SLC44A5: variants seen among roughly 807,000 people sequenced by gnomAD.
SLC44A5 encodes choline transporter-like protein 5.
In SLC44A5, 57 loss-of-function variants were observed where a neutral mutation model predicts 101.8. The ratio of observed to expected loss-of-function variants is 0.56; its 90% CI spans 0.45 to 0.70. The LOEUF (loss-of-function observed/expected upper bound fraction) is 0.70. SLC44A5 is among the 30% of genes least tolerant of loss of function. The probability of loss-of-function intolerance (pLI) is 0.00; values close to 1 mark genes in which losing one functional copy is unlikely to be tolerated. For synonymous variants in SLC44A5, 281 were observed against 290.9 expected (o/e 0.97, Z 0.35); for missense variants, 737 against 853.1 (o/e 0.86, Z 1.70).
chr1:75,213,792 A>G lies in SLC44A5; in HGVS notation c.1875T>C (p.Gly625=), dbSNP rs1167858903. The G allele has an allele frequency of 2.5e-6, 4 of 1,606,992 alleles. No individual in the cohort carries two copies. The South Asian group carries it at 4.4e-5, about 18-fold the overall frequency. ...GTGTGAAGAATAGGAAGGCCAGAACACCTACATTGAAAAGGTAGAACATGT... is the reference window on the plus strand; with the variant it reads ...GTGTGAAGAATAGGAAGGCCAGAACGCCTACATTGAAAAGGTAGAACATGT... ...LGKLLVAGSI[G]VLAFLFFTQR... Residue 625 remains glycine (G), a splice_region_variant and synonymous_variant, in exon 22 of 24, where the codon GGT becomes GGC. Coordinates refer to ENST00000370859, the MANE Select transcript of SLC44A5 (RefSeq NM_001130058.2).
intron 4 of SLC44A5, among the ~76,000 whole-genome samples, chr1:75,339,113 C>T (rs2101029175): frequency 6.6e-6 from 1 of 152,254 alleles, no homozygotes; most frequent in South Asian, 2.1e-4. Context: ...TTAAAGTGCA[C>T]ACGATGCATT....
At chr1:75,479,591 T>C (rs1245687163) in intron 2 of SLC44A5, among the ~76,000 whole-genome samples, 2 of 152,188 alleles carry the variant, frequency 1.3e-5, no homozygotes, top group South Asian at 4.1e-4. Context: ...CCCACAGAAA[T>C]ACAAACTACC....
intron 1 of SLC44A5, among the ~76,000 whole-genome samples, chr1:75,552,514 T>G (rs373828146): frequency 6.6e-6 from 1 of 152,124 alleles, no homozygotes; most frequent in African/African-American, 2.4e-5. Context: ...GACTCTCATA[T>G]AGGCATTCTA....
the SLC44A5 span, among the ~76,000 whole-genome samples, chr1:75,665,391 G>C: frequency 6.6e-6 from 1 of 152,068 alleles, no homozygotes; most frequent in African/African-American, 2.4e-5. Flanking sequence ...TACGTTAACT[G>C]TCCAGCCATA....
intron 2 of SLC44A5, among the ~76,000 whole-genome samples, chr1:75,429,591 C>T (rs1664496784): frequency 1.3e-5 from 2 of 152,176 alleles, no homozygotes; most frequent in Non-Finnish European, 2.9e-5. Context: ...TTTATTTTGG[C>T]TCACAGCTCT....
the SLC44A5 span, among the ~76,000 whole-genome samples, chr1:75,623,196 G>A: frequency 1.3e-5 from 2 of 152,094 alleles, no homozygotes; most frequent in Non-Finnish European, 2.9e-5. Context: ...ATTACAAATT[G>A]TTACAAGTTC....
intron 2 of SLC44A5, among the ~76,000 whole-genome samples, chr1:75,540,958 T>C (rs1461647859): frequency 1.3e-5 from 2 of 152,186 alleles, no homozygotes; most frequent in African/African-American, 4.8e-5. Context: ...CAAAGAACAA[T>C]TTCTGACACA....
At chr1:75,689,798 C>T in the SLC44A5 span, among the ~76,000 whole-genome samples, 8 of 152,326 alleles carry the variant, frequency 5.3e-5, no homozygotes, top group East Asian at 5.8e-4. Flanking sequence ...TTTCCTGGGA[C>T]ATTTAATAGC....
intron 4 of SLC44A5, among the ~76,000 whole-genome samples, chr1:75,312,518 G>T (rs1332546056): frequency 6.6e-6 from 1 of 151,694 alleles, no homozygotes; most frequent in African/African-American, 2.4e-5. Context: ...GGGATGGGGG[G>T]TGTTACAGAA....
intron 5 of SLC44A5, among the ~76,000 whole-genome samples, chr1:75,276,651 C>G (rs958851538): frequency 6.6e-6 from 1 of 152,076 alleles, no homozygotes; most frequent in African/African-American, 2.4e-5. Flanking sequence ...TAACATGGTG[C>G]TTGGCATACA....
rs12046955 is a variant in SLC44A5, at chr1:75,236,666, C to T, written c.740+321G>A. The stretch of plus-strand genomic sequence containing the variant: ...ACAGTAGCATGTGATGAGAAGCACA[C>T]GAGTATTACAGATACAGAAGTCCTG... On this transcript the variant is annotated intron_variant, in intron 11 of 23. Transcript: ENST00000370859. Among the ~76,000 whole-genome samples the T allele has an allele frequency of 9.2e-5, 14 of 152,046 alleles. No individual in the cohort carries two copies. The East Asian group carries it at 2.5e-3, about 27-fold the overall frequency.
chr1:75,251,378 AC>A, intron 6 of SLC44A5, 84 bp from the exon 7 acceptor site: 1 of 1,134,308 alleles, frequency 8.8e-7, no homozygotes, highest in Non-Finnish European at 1.3e-6. Context: ...TTTATAAATA[AC>A]CTTTAAAAAT....
intron 1 of SLC44A5, among the ~76,000 whole-genome samples, chr1:75,573,117 G>A (rs1339211227): frequency 9.7e-6 from 1 of 102,954 alleles, no homozygotes; most frequent in African/African-American, 4.3e-5. Context: ...GACAGAGCAA[G>A]GCTCCATCTC....
In SLC44A5 at chr1:75,482,558, CTGA is replaced by C. The variant is rs1667933059; in HGVS notation, c.13+58874_13+58876del. Among the ~76,000 whole-genome samples, 4 of 152,258 alleles carry C rather than the reference CTGA, an allele frequency of 2.6e-5. No homozygotes were observed. In the South Asian group the frequency reaches 8.3e-4, roughly 32 times the overall value. ...CACACTATATTAGCTGCAACAGTCT[CTGA>C]TGTTTCAGTTTCCTTGTCTGAAAAA... On this transcript the variant is annotated intron_variant, in intron 2 of 23. Transcript: ENST00000370859.
rs752156651 is a variant in SLC44A5 at position 75,354,075 on chromosome 1, G to T, written c.53-14445C>A. On this transcript the variant is annotated intron_variant, in intron 3 of 23. Coordinates refer to ENST00000370859, the MANE Select transcript of SLC44A5 (RefSeq NM_001130058.2). The stretch of plus-strand genomic sequence containing the variant: ...TGTTTTAGAATCCAAATATAAGTTA[G>T]CAGAGGGATTTTAGAACAAAGTTTC... 541 of 280,734 alleles carry T rather than the reference G, an allele frequency of 1.9e-3. 4 individuals carry two copies. Among genetic ancestry groups the T allele is most frequent in the Non-Finnish European group, 3.4e-3 (492 of 144,148 alleles). 17.4% of individuals were successfully genotyped at this position (280,734 alleles called of 1,614,324 possible).
At chr1:75,494,138 T>C (rs1668555534) in intron 2 of SLC44A5, among the ~76,000 whole-genome samples, 1 of 152,162 alleles carries the variant, frequency 6.6e-6, no homozygotes, top group Non-Finnish European at 1.5e-5. Context: ...CCCCATTTTG[T>C]CTCTTTGCCT....
At chr1:75,587,723 A>C (rs2102093895) in intron 1 of SLC44A5, among the ~76,000 whole-genome samples, 1 of 152,352 alleles carries the variant, frequency 6.6e-6, no homozygotes, top group South Asian at 2.1e-4. Context: ...CCTGATTGAA[A>C]GATAATGAAA....
intron 3 of SLC44A5, among the ~76,000 whole-genome samples, chr1:75,354,471 T>TA (rs1658920306): frequency 6.6e-6 from 1 of 152,202 alleles, no homozygotes; most frequent in Admixed American, 6.5e-5. Flanking sequence ...ATTCACTTGA[T>TA]ACACTGTTTC....
intron 2 of SLC44A5, among the ~76,000 whole-genome samples, chr1:75,525,931 T>C (rs1366353276): frequency 6.6e-6 from 1 of 152,240 alleles, no homozygotes. Flanking sequence ...TACTATTCTT[T>C]CAATCTTTCT....
Sources: allele counts gnomAD v4.1 joint callset (sites outside exome capture counted in the v4.1 genomes callset), GRCh38; gene constraint gnomAD v4.1.1; transcripts MANE v1.5; gene names NCBI Gene and HGNC (gene_info 2026-07-23, HGNC 2026-07-21).